The following DCDC1 variants were observed in gnomAD, a reference collection of about 807,000 sequenced individuals.
The protein encoded by DCDC1 is doublecortin domain containing 1.
Under a neutral mutation model 178.3 loss-of-function variants are expected in DCDC1, and 200 were observed. That is an observed-to-expected ratio of 1.12 (90% CI 1.00 to 1.26). DCDC1 has a LOEUF of 1.26. DCDC1 is among the 50% of genes most tolerant of loss of function. The pLI is 0.00. For synonymous variants in DCDC1, 690 were observed against 604.8 expected (o/e 1.14, Z -2.07); for missense variants, 1,983 against 1,749.2 (o/e 1.13, Z -2.38).
chr11:30,958,259 G>A (rs1451229632), intron 20 of DCDC1, among the ~76,000 whole-genome samples: 2 of 152,228 alleles, frequency 1.3e-5, no homozygotes, highest in East Asian at 3.9e-4. Flanking sequence ...TATGGGGAGG[G>A]TATAAAGCTC....
chr11:30,916,384 C>CT (rs1945840325), intron 26 of DCDC1, among the ~76,000 whole-genome samples: 1 of 152,174 alleles, frequency 6.6e-6, no homozygotes, highest in Non-Finnish European at 1.5e-5. Flanking sequence ...GTTCCAGTGA[C>CT]TGCTGTAATG....
At chr11:31,095,095 C>T (rs1958065312) in intron 15 of DCDC1, among the ~76,000 whole-genome samples, 1 of 152,064 alleles carries the variant, frequency 6.6e-6, no homozygotes, top group African/African-American at 2.4e-5. Context: ...TTTCCAGCTT[C>T]ATCCATGTCC....
At chr11:30,874,460 T>C (rs1036674052) in intron 38 of DCDC1, among the ~76,000 whole-genome samples, 1 of 151,932 alleles carries the variant, frequency 6.6e-6, no homozygotes, top group African/African-American at 2.4e-5. Context: ...ATTTAAAGAC[T>C]CTTAGAGGAG....
At chr11:30,972,289 T>C (rs1949846974) in intron 20 of DCDC1, among the ~76,000 whole-genome samples, 1 of 152,152 alleles carries the variant, frequency 6.6e-6, no homozygotes, top group South Asian at 2.1e-4. Flanking sequence ...AGTTTCTTAG[T>C]AGAAACATTA....
chr11:30,875,127 C>T (rs1482221246), intron 38 of DCDC1, among the ~76,000 whole-genome samples: 1 of 152,184 alleles, frequency 6.6e-6, no homozygotes, highest in Non-Finnish European at 1.5e-5. Context: ...TAGCTGCCAG[C>T]AGGCACCCAC....
chr11:31,135,763 G>T (rs1963051108), intron 10 of DCDC1, among the ~76,000 whole-genome samples: 1 of 152,034 alleles, frequency 6.6e-6, no homozygotes. Context: ...TGTGTAAGAA[G>T]AACACTGAAA....
Position 30,925,830 on chromosome 11 carries a change from G to A in DCDC1, c.2898-422C>T, listed in dbSNP as rs374062846. Reference sequence around the variant, plus strand: ...TTTTTCCTTGGCTTTTTCTGATGTAGTCTTGTTCTTTCTCCAAGGTTGTCA... The same window carrying A: ...TTTTTCCTTGGCTTTTTCTGATGTAATCTTGTTCTTTCTCCAAGGTTGTCA... On this transcript the variant is annotated intron_variant, in intron 22 of 38. Transcript: ENST00000684477. Among the ~76,000 whole-genome samples, 25 of 152,178 alleles carry A rather than the reference G, an allele frequency of 1.6e-4. No individual in the cohort carries two copies. In the South Asian group the frequency reaches 5.2e-3, roughly 32 times the overall value.
intron 20 of DCDC1, among the ~76,000 whole-genome samples, chr11:31,020,519 A>G (rs1022234163): frequency 4.6e-5 from 7 of 152,218 alleles, no homozygotes; most frequent in Admixed American, 2.6e-4. Flanking sequence ...TGTAGAGGTA[A>G]TCTTTGGCCA....
intron 20 of DCDC1, among the ~76,000 whole-genome samples, chr11:31,029,041 G>T (rs1165818564): frequency 6.6e-6 from 1 of 152,018 alleles, no homozygotes; most frequent in African/African-American, 2.4e-5. Context: ...GAACATGAAA[G>T]AAAAGAACTG....
rs202010333 is a variant in DCDC1, at chr11:30,873,337, G to A, written c.*40+5207C>T. On this transcript the variant is annotated intron_variant, in intron 38 of 38. Coordinates refer to ENST00000684477, the MANE Select transcript of DCDC1 (RefSeq NM_001387274.1). ...TGTATAAATATATAAAAATGTGTGT[G>A]TATATACATATATATATATATATAT... Among the ~76,000 whole-genome samples the A allele has an allele frequency of 1.5e-3, 208 of 138,308 alleles. 2 individuals are homozygous for A. In the East Asian group the frequency reaches 0.027, roughly 18 times the overall value. The allele number at this position is 138,308 out of a possible 152,430, so 90.7% of individuals were successfully genotyped here. A position where few individuals can be genotyped will look rare whatever the true frequency, so the allele number is the denominator to read the frequency against.
chr11:31,328,970 T>TTTTTTTTTTTC (rs1949805328), intron 2 of DCDC1, among the ~76,000 whole-genome samples: 1 of 140,948 alleles, frequency 7.1e-6, no homozygotes, highest in Non-Finnish European at 1.5e-5. Context: ...TTTTTTTTTT[T>TTTTTTTTTTTC]TTTTGTCTGT....
rs756317574 is a variant in DCDC1 at position 30,903,694 on chromosome 11, C to T, written c.4309-11G>A. 14 of 1,581,402 alleles carry T rather than the reference C, an allele frequency of 8.9e-6. 1 individual carries two copies. The South Asian group carries it at 1.7e-4, about 19-fold the overall frequency. On this transcript the variant is annotated splice_polypyrimidine_tract_variant and intron_variant, in intron 31 of 38. Transcript: ENST00000684477. ...GCATTCTGTAAGAAGCTAGATAACACAGGCAGTAAGGATCTGACAGGCAAA... is the reference window on the plus strand; with the variant it reads ...GCATTCTGTAAGAAGCTAGATAACATAGGCAGTAAGGATCTGACAGGCAAA...
intron 8 of DCDC1, among the ~76,000 whole-genome samples, chr11:31,246,589 A>G (rs1943584366): frequency 6.6e-6 from 1 of 151,896 alleles, no homozygotes; most frequent in Non-Finnish European, 1.5e-5. Flanking sequence ...AGGGAGTTTG[A>G]GCTAGTGCCA....
At chr11:31,306,201 A>C in intron 5 of DCDC1, 31 bp downstream of exon 5, 1 of 1,438,564 alleles carries the variant, frequency 7.0e-7, no homozygotes, top group South Asian at 1.7e-5. Context: ...GAAAAAAAAT[A>C]AAGCACAGAA....
chr11:30,888,928 G>A (rs1019801452), intron 36 of DCDC1, among the ~76,000 whole-genome samples: 3 of 152,114 alleles, frequency 2.0e-5, no homozygotes, highest in Non-Finnish European at 4.4e-5. Context: ...CATAGACCAG[G>A]TCTCCTCAGG....
chr11:30,870,850 T>A (rs2133918905), intron 38 of DCDC1, among the ~76,000 whole-genome samples: 1 of 152,322 alleles, frequency 6.6e-6, no homozygotes, highest in East Asian at 1.9e-4. Flanking sequence ...CACTGACTGA[T>A]TAGGAATAGT....
chr11:31,208,122 A>G (rs1483943390), intron 9 of DCDC1, among the ~76,000 whole-genome samples: 1 of 152,130 alleles, frequency 6.6e-6, no homozygotes, highest in Admixed American at 6.6e-5. Context: ...CCATGGTTTT[A>G]CTTACTATCT....
intron 4 of DCDC1, chr11:31,307,422 C>T: frequency 3.7e-6 from 2 of 546,260 alleles, no homozygotes; most frequent in South Asian, 3.0e-5. Flanking sequence ...TTCAGAGTTT[C>T]TGATTGCCCG....
At chr11:31,169,499 CT>C (rs1966947986) in intron 9 of DCDC1, among the ~76,000 whole-genome samples, 1 of 152,168 alleles carries the variant, frequency 6.6e-6, no homozygotes, top group African/African-American at 2.4e-5. Context: ...GAACAAGGCT[CT>C]TTCCTCAGGT....
Sources: gnomAD v4.1 joint callset for allele counts (sites outside exome capture counted in the v4.1 genomes callset) on GRCh38, gnomAD v4.1.1 for gene constraint, MANE v1.5 for transcripts, NCBI Gene and HGNC (gene_info 2026-07-23, HGNC 2026-07-21) for gene names.